The following DIP2C variants were observed in gnomAD, a reference collection of about 807,000 sequenced individuals.
DIP2C encodes the protein disco-interacting protein 2 homolog C.
In DIP2C, 33 loss-of-function variants were observed where a neutral mutation model predicts 192.4. That is an observed-to-expected ratio of 0.17 (90% CI 0.13 to 0.23). The LOEUF is 0.23. Ranked by LOEUF, DIP2C falls within the 10% of genes least tolerant of loss-of-function variation. The pLI is 1.00. For synonymous variants in DIP2C, 979 were observed against 864.1 expected (o/e 1.13, Z -2.33); for missense variants, 1,537 against 2,110.1 (o/e 0.73, Z 5.32).
At position 344,937 on chromosome 10, in the gene DIP2C, A is replaced by T; in HGVS notation, c.3344-19T>A. 1 of 1,603,702 alleles carries T rather than the reference A, an allele frequency of 6.2e-7. No homozygotes were observed. Among genetic ancestry groups the T allele is most frequent in the Non-Finnish European group, 8.5e-7 (1 of 1,175,832 alleles). On this transcript the variant is annotated intron_variant, in intron 27 of 36. Transcript: ENST00000280886. ...AAATCATCTGGAGAGGAACATGACTATCAGCAGATCCAGCCTGAGCAAGGC... is the reference window on the plus strand; with the variant it reads ...AAATCATCTGGAGAGGAACATGACTTTCAGCAGATCCAGCCTGAGCAAGGC...
In DIP2C at chr10:600,867, C is replaced by G. The variant is rs555188220; in HGVS notation, c.85+88627G>C. ...CAGGTCTTTGGCCATCTGGTCAAAGCTTTTTCTGTAACAAAGTTGGATAAT... is the reference window on the plus strand; with the variant it reads ...CAGGTCTTTGGCCATCTGGTCAAAGGTTTTTCTGTAACAAAGTTGGATAAT... On this transcript the variant is annotated intron_variant, in intron 1 of 36. Coordinates refer to ENST00000280886, the MANE Select transcript of DIP2C (RefSeq NM_014974.3). Among the ~76,000 whole-genome samples the G allele has an allele frequency of 5.3e-5, 8 of 151,538 alleles. No individual in the cohort carries two copies. The East Asian group carries it at 9.6e-4, about 18-fold the overall frequency.
chr10:408,830 G>A, intron 9 of DIP2C, 96 bp downstream of exon 9: 1 of 1,187,818 alleles, frequency 8.4e-7, no homozygotes, highest in South Asian at 1.4e-5. Flanking sequence ...AATAGAAAGT[G>A]GAGGTGGCGC....
chr10:369,932 T>TCTC, intron 17 of DIP2C: 1 of 1,297,418 alleles, frequency 7.7e-7, no homozygotes, highest in Non-Finnish European at 9.8e-7. Context: ...ACCAGCTCTC[T>TCTC]CTCCCCTCCC....
At chr10:395,545 C>T (rs1007895848) in intron 10 of DIP2C, among the ~76,000 whole-genome samples, 5 of 152,200 alleles carry the variant, frequency 3.3e-5, no homozygotes, top group Non-Finnish European at 5.9e-5. Flanking sequence ...GCTTCCCTAG[C>T]ATTCTATCCC....
At chr10:536,581 A>G (rs1030494628) in intron 1 of DIP2C, among the ~76,000 whole-genome samples, 2 of 152,356 alleles carry the variant, frequency 1.3e-5, no homozygotes, top group East Asian at 1.9e-4. Context: ...GGACTGGGAC[A>G]TAAGTTTGGG....
At chr10:599,306 C>T (rs1010399713) in intron 1 of DIP2C, among the ~76,000 whole-genome samples, 2 of 152,180 alleles carry the variant, frequency 1.3e-5, no homozygotes, top group East Asian at 1.9e-4. Context: ...GGCAAAAACA[C>T]GTTACAGGAA....
chr10:525,934 G>C (rs1435353416), intron 1 of DIP2C, among the ~76,000 whole-genome samples: 4 of 152,166 alleles, frequency 2.6e-5, no homozygotes, highest in African/African-American at 9.7e-5. Context: ...AAGTAGCCCA[G>C]GTGAGCTGCT....
rs773464969 is a variant in DIP2C, at chr10:366,278, A to G, written c.2265T>C (p.Phe755=). 5.6e-6 allele frequency: 9 copies of G among 1,612,926 alleles called. No individual in the cohort carries two copies. Among genetic ancestry groups the G allele is most frequent in the Non-Finnish European group, 7.6e-6 (9 of 1,179,588 alleles). Residue 755 remains phenylalanine, a synonymous_variant, in exon 19 of 37, where the codon TTT becomes TTC. Transcript: ENST00000280886. ...YGLSGMTKNT[F]EVFPMTSSGA... is the part of the protein sequence containing the mutation. Reference sequence around the variant, plus strand: ...GGTAAGACTCTCCTCCACCTACCTCAAAGGTGTTCTTGGTCATGCCAGAGA... The same window carrying G: ...GGTAAGACTCTCCTCCACCTACCTCGAAGGTGTTCTTGGTCATGCCAGAGA...
intron 9 of DIP2C, 25 bp downstream of exon 9, chr10:408,901 A>G: frequency 6.2e-7 from 1 of 1,611,902 alleles, no homozygotes; most frequent in Non-Finnish European, 8.5e-7. Context: ...TGTTTTGTAG[A>G]TCCAGCAGTT....
At chr10:334,207 T>C (rs769753025) in intron 29 of DIP2C, among the ~76,000 whole-genome samples, 59 of 141,988 alleles carry the variant, frequency 4.2e-4, no homozygotes, top group Non-Finnish European at 2.5e-4. Flanking sequence ...CTTGGGAGGC[T>C]GAGGCAGGAG....
intron 31 of DIP2C, among the ~76,000 whole-genome samples, chr10:323,643 A>T (rs1445340644): frequency 1.3e-5 from 2 of 152,226 alleles, no homozygotes; most frequent in Non-Finnish European, 2.9e-5. Flanking sequence ...CAAATGATTA[A>T]TTGTGATTAT....
intron 24 of DIP2C, among the ~76,000 whole-genome samples, chr10:353,620 G>A (rs374674709): frequency 6.6e-5 from 10 of 152,114 alleles, no homozygotes; most frequent in Admixed American, 2.0e-4. Context: ...TCAAACTCCC[G>A]ACCTCAACTG....
chr10:343,083 A>T (rs1337582492), intron 28 of DIP2C, among the ~76,000 whole-genome samples: 1 of 152,128 alleles, frequency 6.6e-6, no homozygotes, highest in Non-Finnish European at 1.5e-5. Context: ...AGGTCAGGAG[A>T]TCGAGAACAT....
At chr10:317,164 A>T (rs945366940) in intron 31 of DIP2C, among the ~76,000 whole-genome samples, 11 of 152,206 alleles carry the variant, frequency 7.2e-5, no homozygotes, top group African/African-American at 2.7e-4. Flanking sequence ...GTCATCAGGC[A>T]TTGATGCAGG....
intron 17 of DIP2C, among the ~76,000 whole-genome samples, chr10:372,648 A>G (rs987393050): frequency 2.0e-5 from 3 of 152,218 alleles, no homozygotes; most frequent in Non-Finnish European, 2.9e-5. Context: ...CAGATGTGCA[A>G]GACACTGGCA....
intron 1 of DIP2C, among the ~76,000 whole-genome samples, chr10:592,825 T>C (rs1250546175): frequency 6.6e-6 from 1 of 151,602 alleles, no homozygotes; most frequent in Non-Finnish European, 1.5e-5. Flanking sequence ...AACCTGAAGA[T>C]GTACGAGCCG....
intron 1 of DIP2C, among the ~76,000 whole-genome samples, chr10:530,131 C>T (rs1847279767): frequency 6.6e-6 from 1 of 152,226 alleles, no homozygotes. Context: ...CCGGACATGC[C>T]ACCGTGAGCC....
intron 1 of DIP2C, among the ~76,000 whole-genome samples, chr10:493,758 T>C (rs1844621667): frequency 6.6e-6 from 1 of 152,032 alleles, no homozygotes; most frequent in South Asian, 2.1e-4. Flanking sequence ...AAAGTCGGGG[T>C]CTTACTGCCA....
At chr10:367,324 G>C (rs554174205) in intron 18 of DIP2C, among the ~76,000 whole-genome samples, 2 of 151,846 alleles carry the variant, frequency 1.3e-5, no homozygotes, top group African/African-American at 4.9e-5. Context: ...GGCGGAGGCA[G>C]GAGAATGGCG....
Sources: allele counts gnomAD v4.1 joint callset (sites outside exome capture counted in the v4.1 genomes callset), GRCh38; gene constraint gnomAD v4.1.1; transcripts MANE v1.5; gene names NCBI Gene and HGNC (gene_info 2026-07-23, HGNC 2026-07-21).